Variants in ARHGAP20 observed in about 807,000 individuals in gnomAD.
The protein encoded by ARHGAP20 is rho GTPase-activating protein 20.
A neutral mutation model predicts 73.7 loss-of-function variants in ARHGAP20; 34 were observed. The observed-to-expected ratio is 0.46, with a 90% CI of 0.35 to 0.61. The LOEUF is 0.61. Among genes scored for constraint, ARHGAP20 ranks in the 20% least tolerant of loss-of-function variants. The probability of loss-of-function intolerance (pLI) is 0.00; values close to 1 mark genes in which losing one functional copy is unlikely to be tolerated. For missense variants in ARHGAP20, 1,314 were observed against 1,420.9 expected, an observed-to-expected ratio of 0.92 and a Z score of 1.21; for synonymous variants, 523 against 518.2, an observed-to-expected ratio of 1.01 and a Z score of -0.13.
intron 2 of ARHGAP20, among the ~76,000 whole-genome samples, chr11:110,660,594 C>A (rs1949587509): frequency 6.6e-6 from 1 of 152,134 alleles, no homozygotes; most frequent in Non-Finnish European, 1.5e-5. Context: ...TCTACCCTGC[C>A]TCCTATACCA....
At chr11:110,704,903 G>A (rs1350952805) in intron 1 of ARHGAP20, among the ~76,000 whole-genome samples, 2 of 152,094 alleles carry the variant, frequency 1.3e-5, no homozygotes, top group Non-Finnish European at 2.9e-5. Context: ...AGGGGTATGA[G>A]TAATAAAACT....
rs1947338070 is a variant in ARHGAP20 at position 110,578,163 on chromosome 11, A to G, written c.*1207T>C. On this transcript the variant is annotated 3_prime_UTR_variant, in exon 15 of 15. Transcript: ENST00000683387. ...CAAGAAAGCAGAGAAAGAAAGGTCC[A>G]TGGATATAAAATAAACCAATGGGGT... The G allele has an allele frequency of 1.0e-6, 1 of 985,476 alleles. No homozygotes were observed. Among genetic ancestry groups the G allele is most frequent in the Non-Finnish European group, 1.2e-6 (1 of 829,954 alleles). 61.0% of individuals were successfully genotyped at this position (985,476 alleles called of 1,614,324 possible). A position where few individuals can be genotyped will look rare whatever the true frequency, so the allele number is the denominator to read the frequency against.
Position 110,655,585 on chromosome 11 carries a change from C to T in ARHGAP20, c.189-24793G>A, listed in dbSNP as rs1223945866. ...CTAAATAAATTATGATTATGAATAT[C>T]TATCTTGTTATGGTCTTGTAAAGCG... On this transcript the variant is annotated intron_variant, in intron 2 of 14. Coordinates refer to ENST00000683387, the MANE Select transcript of ARHGAP20 (RefSeq NM_001384657.1). 1.3e-5 allele frequency among the ~76,000 whole-genome samples: 2 copies of T among 152,076 alleles called. 1 individual carries two copies. The highest frequency in any genetic ancestry group is 2.9e-5 in the Non-Finnish European group (2 of 68,020).
Position 110,579,321 on chromosome 11 carries a change from T to G in ARHGAP20, c.*49A>C, listed in dbSNP as rs371377120. 1 of 1,514,922 alleles carries G rather than the reference T, an allele frequency of 6.6e-7. No homozygotes were observed. The highest frequency in any genetic ancestry group is 8.9e-7 in the Non-Finnish European group (1 of 1,129,938). 93.8% of individuals were successfully genotyped at this position (1,514,922 alleles called of 1,614,324 possible). A position where few individuals can be genotyped will look rare whatever the true frequency, so the allele number is the denominator to read the frequency against. ...AGGGGTCATAATAATTATTGTCTATTATTATTAACCCAGTTCCTGTTCTTG... is the reference window on the plus strand; with the variant it reads ...AGGGGTCATAATAATTATTGTCTATGATTATTAACCCAGTTCCTGTTCTTG... On this transcript the variant is annotated 3_prime_UTR_variant, in exon 15 of 15. Coordinates refer to ENST00000683387, the MANE Select transcript of ARHGAP20 (RefSeq NM_001384657.1).
intron 9 of ARHGAP20, among the ~76,000 whole-genome samples, chr11:110,594,339 A>G (rs1436487884): frequency 6.6e-6 from 1 of 152,154 alleles, no homozygotes. Flanking sequence ...AAGTTACTTA[A>G]CCTCTTTTCT....
rs189966086 is a variant in ARHGAP20, at chr11:110,705,813, C to G, written c.105+6314G>C. On this transcript the variant is annotated intron_variant, in intron 1 of 14. Coordinates refer to ENST00000683387, the MANE Select transcript of ARHGAP20 (RefSeq NM_001384657.1). ...TAGGATTCAGTGCACCCACACATAA[C>G]TCTGAAATATACTCTTCTGAGTTTG... Among the ~76,000 whole-genome samples the G allele has an allele frequency of 2.6e-5, 4 of 152,262 alleles. No individual in the cohort carries two copies. In the East Asian group the frequency reaches 7.7e-4, roughly 29 times the overall value.
intron 4 of ARHGAP20, among the ~76,000 whole-genome samples, chr11:110,620,368 C>T (rs1357026293): frequency 6.6e-6 from 1 of 152,062 alleles, no homozygotes; most frequent in South Asian, 2.1e-4. Context: ...CCAGTTTGGC[C>T]TCAAACTCCC....
intron 9 of ARHGAP20, among the ~76,000 whole-genome samples, chr11:110,600,970 C>T (rs1948096182): frequency 6.6e-6 from 1 of 152,116 alleles, no homozygotes; most frequent in Admixed American, 6.5e-5. Context: ...ACTATCTCAC[C>T]AATGGTTATG....
intron 12 of ARHGAP20, among the ~76,000 whole-genome samples, chr11:110,585,002 TG>T (rs1237254457): frequency 1.4e-3 from 165 of 119,980 alleles, no homozygotes; most frequent in Non-Finnish European, 2.6e-3. Flanking sequence ...TATGAATATA[TG>T]AATATGTATG....
At chr11:110,685,324 C>T (rs1352136346) in intron 2 of ARHGAP20, among the ~76,000 whole-genome samples, 2 of 152,080 alleles carry the variant, frequency 1.3e-5, no homozygotes, top group African/African-American at 2.4e-5. Context: ...CATCTTTAAA[C>T]ACAGAAGTGA....
chr11:110,590,933 CTAAA>C, intron 10 of ARHGAP20, 124 bp from the exon 11 acceptor site: 4 of 984,646 alleles, frequency 4.1e-6, no homozygotes, highest in Non-Finnish European at 5.6e-6. Context: ...AGGATTGGAG[CTAAA>C]TAAATGGCCG....
At chr11:110,594,391 A>G (rs1202424308) in intron 9 of ARHGAP20, among the ~76,000 whole-genome samples, 1 of 152,170 alleles carries the variant, frequency 6.6e-6, no homozygotes, top group Admixed American at 6.5e-5. Context: ...TTAGCCCTCA[A>G]AGGCTTATTG....
intron 2 of ARHGAP20, among the ~76,000 whole-genome samples, chr11:110,683,285 A>T (rs544090760): frequency 6.6e-6 from 1 of 152,154 alleles, no homozygotes; most frequent in Non-Finnish European, 1.5e-5. Flanking sequence ...AACCATATAC[A>T]TGAGCACTTG....
intron 1 of ARHGAP20, chr11:110,711,597 C>A: frequency 6.7e-7 from 1 of 1,483,998 alleles, no homozygotes; most frequent in South Asian, 1.3e-5. Context: ...TATGGAGCAG[C>A]CGCGCCTCGG....
intron 2 of ARHGAP20, among the ~76,000 whole-genome samples, chr11:110,631,493 A>T (rs920182539): frequency 8.5e-5 from 13 of 152,190 alleles, no homozygotes; most frequent in Non-Finnish European, 1.8e-4. Flanking sequence ...AAAATAGCCC[A>T]ATCAGATTTT....
At chr11:110,584,275 T>C (rs1336154105) in intron 12 of ARHGAP20, among the ~76,000 whole-genome samples, 1 of 152,176 alleles carries the variant, frequency 6.6e-6, no homozygotes, top group Non-Finnish European at 1.5e-5. Context: ...ATCTGTTTCA[T>C]TGTATCACTT....
At chr11:110,693,227 T>C (rs1237825736) in intron 1 of ARHGAP20, among the ~76,000 whole-genome samples, 2 of 152,120 alleles carry the variant, frequency 1.3e-5, no homozygotes, top group East Asian at 3.9e-4. Flanking sequence ...GCTTGATTTA[T>C]ATTGAAGAGA....
intron 2 of ARHGAP20, among the ~76,000 whole-genome samples, chr11:110,653,415 A>G (rs1481573197): frequency 6.6e-6 from 1 of 152,244 alleles, no homozygotes; most frequent in Non-Finnish European, 1.5e-5. Context: ...GGCAAAGGAC[A>G]TAAACAGACA....
At chr11:110,638,563 A>G (rs1949015579) in intron 2 of ARHGAP20, among the ~76,000 whole-genome samples, 1 of 152,022 alleles carries the variant, frequency 6.6e-6, no homozygotes, top group African/African-American at 2.4e-5. Flanking sequence ...AGAGATTGTT[A>G]AAATTAATAC....
Sources: gnomAD v4.1 joint callset for allele counts (sites outside exome capture counted in the v4.1 genomes callset) on GRCh38, gnomAD v4.1.1 for gene constraint, MANE v1.5 for transcripts, NCBI Gene and HGNC (gene_info 2026-07-23, HGNC 2026-07-21) for gene names.